The following CFAP54 variants were observed in gnomAD, a reference collection of about 807,000 sequenced individuals.
CFAP54 encodes cilia and flagella associated protein 54.
Under a neutral mutation model 370.4 loss-of-function variants are expected in CFAP54, and 290 were observed. The observed-to-expected ratio is 0.78, with a 90% CI of 0.71 to 0.86. The LOEUF is 0.86. Ranked by LOEUF, CFAP54 falls within the 40% of genes least tolerant of loss-of-function variation. The pLI, the probability that CFAP54 is intolerant of heterozygous loss-of-function variation, is 0.00. For synonymous variants in CFAP54, 1,206 were observed against 1,236.5 expected (o/e 0.98, Z 0.52); for missense variants, 3,399 against 3,528.7 (o/e 0.96, Z 0.93).
chr12:96,530,423 G>T (rs978839406), intron 9 of CFAP54, among the ~76,000 whole-genome samples: 2 of 152,352 alleles, frequency 1.3e-5, no homozygotes, highest in African/African-American at 2.4e-5. Context: ...CCAGGAGTCA[G>T]AGGTTGCAGT....
intron 26 of CFAP54, among the ~76,000 whole-genome samples, chr12:96,603,345 C>T (rs1352166742): frequency 1.3e-5 from 2 of 152,188 alleles, no homozygotes; most frequent in Non-Finnish European, 2.9e-5. Context: ...TGATGGGTTT[C>T]CCTTTGTGGG....
At chr12:96,785,884 AGTCT>A (rs1477409366) in intron 61 of CFAP54, among the ~76,000 whole-genome samples, 2 of 152,168 alleles carry the variant, frequency 1.3e-5, no homozygotes, top group Admixed American at 6.5e-5. Flanking sequence ...CCAGCTTCTC[AGTCT>A]CTCGACGGGA....
At chr12:96,618,881 C>T (rs1385425168) in intron 26 of CFAP54, among the ~76,000 whole-genome samples, 3 of 152,020 alleles carry the variant, frequency 2.0e-5, no homozygotes, top group Non-Finnish European at 2.9e-5. Flanking sequence ...TAGAAATGAC[C>T]CTGAATGTGT....
intron 66 of CFAP54, among the ~76,000 whole-genome samples, chr12:96,856,642 G>A (rs1959712647): frequency 6.6e-6 from 1 of 150,874 alleles, no homozygotes; most frequent in South Asian, 2.1e-4. Flanking sequence ...ATCACTATCA[G>A]CATTTTGGTC....
intron 9 of CFAP54, among the ~76,000 whole-genome samples, chr12:96,532,577 GTCT>G (rs1955451118): frequency 2.6e-5 from 4 of 152,062 alleles, no homozygotes; most frequent in Non-Finnish European, 5.9e-5. Context: ...TTCTCTTTGT[GTCT>G]TTAAGCCTAA....
intron 46 of CFAP54, among the ~76,000 whole-genome samples, chr12:96,701,411 T>C (rs918791534): frequency 1.1e-4 from 17 of 152,056 alleles, no homozygotes; most frequent in African/African-American, 4.1e-4. Flanking sequence ...ATTCCAGGCA[T>C]GGAGATAGAG....
At chr12:96,782,078 A>T (rs1345227591) in intron 60 of CFAP54, among the ~76,000 whole-genome samples, 1 of 152,096 alleles carries the variant, frequency 6.6e-6, no homozygotes, top group Non-Finnish European at 1.5e-5. Context: ...ACTTTAATAG[A>T]TTGAAAGAGA....
chr12:96,869,931 G>A (rs540444876), intron 67 of CFAP54, among the ~76,000 whole-genome samples: 31 of 102,556 alleles, frequency 3.0e-4, no homozygotes, highest in African/African-American at 1.0e-3. Flanking sequence ...GCAAAACTCC[G>A]TCAAAAAAAA....
chr12:96,672,423 A>G (rs528712943), intron 39 of CFAP54, among the ~76,000 whole-genome samples: 58 of 152,334 alleles, frequency 3.8e-4, no homozygotes, highest in African/African-American at 1.3e-3. Flanking sequence ...GGCTGCGAGT[A>G]TAGCCAATAT....
intron 9 of CFAP54, among the ~76,000 whole-genome samples, chr12:96,533,060 G>A (rs1184570183): frequency 1.3e-5 from 2 of 152,104 alleles, no homozygotes; most frequent in South Asian, 4.1e-4. Flanking sequence ...ACTCTACTAA[G>A]AATGTCATGG....
rs145636940 is a variant in CFAP54, at chr12:96,841,155, A to G, written c.9171+12067A>G. On this transcript the variant is annotated intron_variant, in intron 66 of 67. Coordinates refer to ENST00000524981, the MANE Select transcript of CFAP54 (RefSeq NM_001306084.2). ...ATATAATTTAAACTGAGATATCATG[A>G]TGAACCTGATACTGTGTATTTACTG... is the stretch of plus-strand genomic sequence containing the variant. Among the ~76,000 whole-genome samples, 326 of 152,330 alleles carry G rather than the reference A, an allele frequency of 2.1e-3. 2 individuals carry two copies. The highest frequency in any genetic ancestry group is 7.3e-3 in the African/African-American group (302 of 41,576).
chr12:96,565,364 G>A (rs1165981063), intron 19 of CFAP54, among the ~76,000 whole-genome samples: 1 of 152,086 alleles, frequency 6.6e-6, no homozygotes, highest in Non-Finnish European at 1.5e-5. Flanking sequence ...CTTCCAGTGG[G>A]TGGGACTACA....
intron 1 of CFAP54, among the ~76,000 whole-genome samples, chr12:96,496,980 C>T (rs1368167206): frequency 6.6e-6 from 1 of 152,018 alleles, no homozygotes; most frequent in Non-Finnish European, 1.5e-5. Flanking sequence ...CCATTTGAGC[C>T]CTGAGCCCTT....
At chr12:96,822,705 A>G (rs1439825323) in intron 65 of CFAP54, among the ~76,000 whole-genome samples, 1 of 152,118 alleles carries the variant, frequency 6.6e-6, no homozygotes, top group South Asian at 2.1e-4. Flanking sequence ...AAATAATCTA[A>G]ATCTTTCCTG....
At chr12:96,580,568 T>C in intron 20 of CFAP54, 29 bp from the exon 21 acceptor site, 1 of 1,393,474 alleles carries the variant, frequency 7.2e-7, no homozygotes, top group Non-Finnish European at 9.5e-7. Context: ...AGAATGCCTT[T>C]TAAACAGGCT....
intron 66 of CFAP54, among the ~76,000 whole-genome samples, chr12:96,859,271 C>A (rs780094484): frequency 3.3e-5 from 5 of 152,186 alleles, no homozygotes; most frequent in African/African-American, 4.8e-5. Context: ...TAGATAATTT[C>A]TAGCTTATGC....
intron 30 of CFAP54, among the ~76,000 whole-genome samples, chr12:96,628,875 C>A (rs1274966129): frequency 6.6e-6 from 1 of 151,514 alleles, no homozygotes; most frequent in Non-Finnish European, 1.5e-5. Context: ...TCCCATTTAT[C>A]ATATTAAGCA....
chr12:96,576,773 A>C lies in CFAP54; in HGVS notation c.2796+12A>C. 3.3e-6 allele frequency: 5 copies of C among 1,517,972 alleles called. No individual in the cohort carries two copies. Among genetic ancestry groups the C allele is most frequent in the Non-Finnish European group, 4.4e-6 (5 of 1,140,018 alleles). 94.0% of individuals were successfully genotyped at this position (1,517,972 alleles called of 1,614,324 possible). On this transcript the variant is annotated intron_variant, in intron 20 of 67. Transcript: ENST00000524981. ...CTTCAGAGGTTAAGGTATGGTGTCCAGTAAAATTTTTGCCTCATGCAAAGC... is the reference window on the plus strand; with the variant it reads ...CTTCAGAGGTTAAGGTATGGTGTCCCGTAAAATTTTTGCCTCATGCAAAGC...
At chr12:96,776,147 G>A (rs1390349468) in intron 60 of CFAP54, among the ~76,000 whole-genome samples, 1 of 152,024 alleles carries the variant, frequency 6.6e-6, no homozygotes, top group Admixed American at 6.5e-5. Context: ...AGGAAAATTA[G>A]TTATAGCAAA....
Sources: allele counts gnomAD v4.1 joint callset (sites outside exome capture counted in the v4.1 genomes callset), GRCh38; gene constraint gnomAD v4.1.1; transcripts MANE v1.5; gene names NCBI Gene and HGNC (gene_info 2026-07-23, HGNC 2026-07-21).